CUX2: variants seen among roughly 807,000 people sequenced by gnomAD.
CUX2 encodes homeobox protein cut-like 2.
A neutral mutation model predicts 144.8 loss-of-function variants in CUX2; 40 were observed. The ratio of observed to expected loss-of-function variants is 0.28; its 90% confidence interval spans 0.21 to 0.36. CUX2 has a LOEUF of 0.36. Among genes scored for constraint, CUX2 ranks in the 10% least tolerant of loss-of-function variants. CUX2 has a pLI of 1.00. For missense variants in CUX2, 1,615 were observed against 1,994.0 expected, an observed-to-expected ratio of 0.81 and a Z score of 3.62; for synonymous variants, 827 against 875.6, an observed-to-expected ratio of 0.94 and a Z score of 0.98.
At chr12:111,226,278 C>T (rs1882139415) in intron 3 of CUX2, among the ~76,000 whole-genome samples, 1 of 152,274 alleles carries the variant, frequency 6.6e-6, no homozygotes, top group African/African-American at 2.4e-5. Context: ...AACAGAATTC[C>T]TTTGATGGTG....
intron 3 of CUX2, among the ~76,000 whole-genome samples, chr12:111,251,833 G>A (rs1883576455): frequency 6.6e-6 from 1 of 151,888 alleles, no homozygotes; most frequent in Admixed American, 6.6e-5. Context: ...AGGGGTGCAG[G>A]GGATGTTCAT....
intron 1 of CUX2, among the ~76,000 whole-genome samples, chr12:111,095,293 T>C (rs1383615114): frequency 6.6e-6 from 1 of 152,004 alleles, no homozygotes; most frequent in Non-Finnish European, 1.5e-5. Context: ...ACCCCATCTC[T>C]ACAAAAAATA....
At position 111,061,579 on chromosome 12, in the gene CUX2, T is replaced by C. The variant is rs1870775688; in HGVS notation, c.63+27339T>C. Among the ~76,000 whole-genome samples, 1 of 152,240 alleles carries C rather than the reference T, an allele frequency of 6.6e-6. No individual in the cohort carries two copies. Among genetic ancestry groups the C allele is most frequent in the Non-Finnish European group, 1.5e-5 (1 of 68,050 alleles). On this transcript the variant is annotated intron_variant, in intron 1 of 21. Transcript: ENST00000261726. This position sits in a 1 kb window ranked among gnomAD's most constrained non-coding sequence, Gnocchi z 4.2. ...TGTGTTTCTGTCTACACCCTCGTCC[T>C]GCTTTGCCCGCCTAAGTACATCCAA...
intron 18 of CUX2, among the ~76,000 whole-genome samples, chr12:111,326,429 G>A (rs1887821622): frequency 7.0e-6 from 1 of 143,082 alleles, no homozygotes; most frequent in Non-Finnish European, 1.5e-5. Flanking sequence ...GGAGGGGTGG[G>A]TTTTGTTTAT....
chr12:111,229,698 T>G (rs1882362695), intron 3 of CUX2, among the ~76,000 whole-genome samples: 1 of 151,726 alleles, frequency 6.6e-6, no homozygotes, highest in South Asian at 2.1e-4. Context: ...GCTCAGGAGG[T>G]CAAGACCAGG....
chr12:111,165,742 A>G lies in CUX2; in HGVS notation c.64-48458A>G, dbSNP rs375495440. ...AGCATCGCCTCCCAGCTCCACGTGT[A>G]GTGACATCACAGCAGGGCTTGAAAT... On this transcript the variant is annotated intron_variant, in intron 1 of 21. Coordinates refer to ENST00000261726, the MANE Select transcript of CUX2 (RefSeq NM_015267.4). Among the ~76,000 whole-genome samples, 3 of 152,172 alleles carry G rather than the reference A, an allele frequency of 2.0e-5. No homozygotes were observed. The East Asian group carries it at 5.8e-4, about 29-fold the overall frequency.
At chr12:111,142,944 G>C (rs576141442) in intron 1 of CUX2, among the ~76,000 whole-genome samples, 2 of 152,310 alleles carry the variant, frequency 1.3e-5, no homozygotes, top group East Asian at 1.9e-4. Context: ...AGATCCATGT[G>C]TATTAGATCG....
In CUX2 at chr12:111,296,485, C is replaced by G; in HGVS notation, c.650C>G (p.Thr217Arg). ...IKVLHSALKA[T>R]QAELLELRRK... ...TGCTTTCTCCCAGCGCTAAAGGCTACGCAGGCAGAGCTGCTAGAGCTGCGG... is the reference window on the plus strand; with the variant it reads ...TGCTTTCTCCCAGCGCTAAAGGCTAGGCAGGCAGAGCTGCTAGAGCTGCGG... The change falls in exon 8 of 22, where the codon ACG becomes AGG. Residue 217 changes from threonine (T) to arginine (R), a missense_variant. This residue lies in a region of CUX2 where 295 missense variants were observed against 400.2 expected (regional missense o/e 0.74). Transcript: ENST00000261726. 1 of 1,609,324 alleles carries G rather than the reference C, an allele frequency of 6.2e-7. No individual in the cohort carries two copies. The highest frequency in any genetic ancestry group is 8.5e-7 in the Non-Finnish European group (1 of 1,177,724).
At chr12:111,152,235 A>G (rs976441997) in intron 1 of CUX2, among the ~76,000 whole-genome samples, 4 of 152,182 alleles carry the variant, frequency 2.6e-5, no homozygotes, top group Admixed American at 6.5e-5. Flanking sequence ...CAATGAGCCA[A>G]GATCATGCCT....
chr12:111,169,815 A>G (rs910732682), intron 1 of CUX2, among the ~76,000 whole-genome samples: 2 of 152,168 alleles, frequency 1.3e-5, no homozygotes, highest in Non-Finnish European at 2.9e-5. Context: ...GTATTGGGAC[A>G]ATTATTAGAG....
At chr12:111,238,569 A>T (rs1882873252) in intron 3 of CUX2, among the ~76,000 whole-genome samples, 1 of 152,222 alleles carries the variant, frequency 6.6e-6, no homozygotes, top group African/African-American at 2.4e-5. Flanking sequence ...TGTGGCAGAG[A>T]CAAGATTTGA....
intron 1 of CUX2, among the ~76,000 whole-genome samples, chr12:111,086,635 A>C (rs1240381418): frequency 6.6e-6 from 1 of 152,152 alleles, no homozygotes; most frequent in East Asian, 1.9e-4. Flanking sequence ...GAGGGTTTAA[A>C]TCCTGGCTCT....
At chr12:111,090,300 GTC>G (rs1872485774) in intron 1 of CUX2, among the ~76,000 whole-genome samples, 1 of 152,208 alleles carries the variant, frequency 6.6e-6, no homozygotes, top group African/African-American at 2.4e-5. Context: ...TTGAAATGGA[GTC>G]TCTCGCTCTG....
Position 111,057,254 on chromosome 12 carries a change from G to A in CUX2, c.63+23014G>A, listed in dbSNP as rs1870568490. On this transcript the variant is annotated intron_variant, in intron 1 of 21. Coordinates refer to ENST00000261726, the MANE Select transcript of CUX2 (RefSeq NM_015267.4). This position sits in a 1 kb window ranked among gnomAD's most constrained non-coding sequence, Gnocchi z 5.1. ...GACAAGAAATTGTGTGGGGGAGTCA[G>A]TATGACAGGAAGTTACCAAGCTGGA... Among the ~76,000 whole-genome samples the A allele has an allele frequency of 6.6e-6, 1 of 152,144 alleles. No individual in the cohort carries two copies. The highest frequency in any genetic ancestry group is 2.1e-4 in the South Asian group (1 of 4,830).
At chr12:111,085,644 G>C (rs1872165272) in intron 1 of CUX2, among the ~76,000 whole-genome samples, 1 of 152,210 alleles carries the variant, frequency 6.6e-6, no homozygotes, top group South Asian at 2.1e-4. Context: ...TGATTCCTTT[G>C]GTTCCTGTCT....
rs921692695 is a variant in CUX2 at position 111,160,116 on chromosome 12, G to A, written c.64-54084G>A. On this transcript the variant is annotated intron_variant, in intron 1 of 21. Transcript: ENST00000261726. This position sits in a 1 kb window ranked among gnomAD's most constrained non-coding sequence, Gnocchi z 4.1. ...AATATTCATTGAGCTCCTGCTGGGT[G>A]CTGGGCGCTGGGAATACAGCAATGA... 6.6e-6 allele frequency among the ~76,000 whole-genome samples: 1 copy of A among 152,244 alleles called. No homozygotes were observed. The highest frequency in any genetic ancestry group is 6.5e-5 in the Admixed American group (1 of 15,280).
At chr12:111,278,690 C>T (rs1884991004) in intron 4 of CUX2, among the ~76,000 whole-genome samples, 1 of 152,192 alleles carries the variant, frequency 6.6e-6, no homozygotes, top group Admixed American at 6.5e-5. Context: ...CCTTGGTGTT[C>T]CATGGCTGTC....
intron 15 of CUX2, among the ~76,000 whole-genome samples, chr12:111,311,586 A>T (rs1293611025): frequency 4.6e-5 from 6 of 131,760 alleles, no homozygotes. Context: ...ACTGTACCCT[A>T]TTTCTTTATT....
intron 1 of CUX2, among the ~76,000 whole-genome samples, chr12:111,047,636 A>G (rs1870062867): frequency 1.3e-5 from 2 of 152,180 alleles, no homozygotes; most frequent in South Asian, 4.1e-4. Context: ...TTACTAGCCC[A>G]AGGTCACACA....
Sources: gnomAD v4.1 joint callset for allele counts (sites outside exome capture counted in the v4.1 genomes callset) on GRCh38, gnomAD v4.1.1 for gene constraint, gnomAD v4.1.1 regional missense constraint, Gnocchi (gnomAD v3.1) non-coding constraint, MANE v1.5 for transcripts, NCBI Gene and HGNC (gene_info 2026-07-23, HGNC 2026-07-21) for gene names.